Variants in MRLN observed in about 807,000 individuals in gnomAD.
MRLN encodes myoregulin, also known as Linc-RNA activator of myogenesis.
chr10:59,746,919 C>T (rs1171591), intron 1 of MRLN, among the ~76,000 whole-genome samples: 5,058 of 152,274 alleles, frequency 0.033, 120 homozygotes, highest in Non-Finnish European at 0.051. Context: ...CCTGCCTCAG[C>T]CTCCTGAGTA....
chr10:59,743,663 G>A (rs997388837), intron 1 of MRLN, among the ~76,000 whole-genome samples: 2 of 152,004 alleles, frequency 1.3e-5, no homozygotes, highest in Non-Finnish European at 2.9e-5. Flanking sequence ...ATCATGGGTC[G>A]TTCCCCCTCC....
At chr10:59,752,881 T>C (rs569337468) in intron 1 of MRLN, among the ~76,000 whole-genome samples, 14 of 152,216 alleles carry the variant, frequency 9.2e-5, no homozygotes, top group Non-Finnish European at 2.1e-4. Context: ...GATCCAAACC[T>C]ATAACAAGGG....
intron 1 of MRLN, chr10:59,744,087 C>G (rs10993983): frequency 0.039 from 6,618 of 170,970 alleles, 210 homozygotes; most frequent in East Asian, 0.12. Flanking sequence ...GCCGCCACCC[C>G]GTCTAGGAAG....
chr10:59,739,969 G>A (rs993180834), intron 1 of MRLN, among the ~76,000 whole-genome samples: 7 of 152,088 alleles, frequency 4.6e-5, no homozygotes, highest in Non-Finnish European at 7.4e-5. Flanking sequence ...GCAGGCGCCT[G>A]TAATCCCAGC....
rs960895782 is a variant in MRLN at position 59,753,357 on chromosome 10, C to G, written c.-128G>C. On this transcript the variant is annotated 5_prime_UTR_variant, in exon 1 of 3. Coordinates refer to ENST00000414264, the MANE Select transcript of MRLN (RefSeq NM_001304731.2). ...CAAACAAAAAAAAAACACTTACTGTCCAGGGGTTCAATAAGCGAAGTCCAA... is the reference window on the plus strand; with the variant it reads ...CAAACAAAAAAAAAACACTTACTGTGCAGGGGTTCAATAAGCGAAGTCCAA... 6.6e-6 allele frequency: 1 copy of G among 151,898 alleles called. No homozygotes were observed. Among genetic ancestry groups the G allele is most frequent in the East Asian group, 1.9e-4 (1 of 5,174 alleles). The allele number at this position is 151,898 out of a possible 1,614,324, so 9.4% of individuals were successfully genotyped here.
At position 59,745,133 on chromosome 10, in the gene MRLN, T is replaced by TA. The variant is rs572050278; in HGVS notation, c.-124-6572dup. On this transcript the variant is annotated intron_variant, in intron 1 of 2. Coordinates refer to ENST00000414264, the MANE Select transcript of MRLN (RefSeq NM_001304731.2). ...ATACTAAAAAAAAAATAAAATAAAA[T>TA]AAAAAAAAGAAAATGAATCATGGTA... Among the ~76,000 whole-genome samples, 644 of 151,482 alleles carry TA rather than the reference T, an allele frequency of 4.3e-3. 5 individuals are homozygous for TA. The highest frequency in any genetic ancestry group is 0.013 in the African/African-American group (549 of 41,124).
rs565067783 is a variant in MRLN at position 59,739,882 on chromosome 10, G to T, written c.-124-1320C>A. Among the ~76,000 whole-genome samples the T allele has an allele frequency of 2.6e-5, 4 of 151,978 alleles. No individual in the cohort carries two copies. The South Asian group carries it at 8.3e-4, about 32-fold the overall frequency. The stretch of plus-strand genomic sequence containing the variant: ...GCCAAGGCGGGTGGATCACAAGGTC[G>T]GGAGTTCAAGACCAGCCTGGCCAAG... On this transcript the variant is annotated intron_variant, in intron 1 of 2. Coordinates refer to ENST00000414264, the MANE Select transcript of MRLN (RefSeq NM_001304731.2).
intron 1 of MRLN, among the ~76,000 whole-genome samples, chr10:59,749,287 T>G (rs1841074964): frequency 6.6e-6 from 1 of 152,250 alleles, no homozygotes; most frequent in Non-Finnish European, 1.5e-5. Context: ...GAGGTTAAGA[T>G]AGCTGTCCAA....
At chr10:59,741,331 A>G (rs1052552097) in intron 1 of MRLN, among the ~76,000 whole-genome samples, 12 of 151,558 alleles carry the variant, frequency 7.9e-5, no homozygotes, top group Non-Finnish European at 1.8e-4. Flanking sequence ...TATCTTTTAT[A>G]CCACATTTTT....
At chr10:59,750,694 G>A (rs2132596381) in intron 1 of MRLN, among the ~76,000 whole-genome samples, 1 of 152,330 alleles carries the variant, frequency 6.6e-6, no homozygotes, top group East Asian at 1.9e-4. Flanking sequence ...AAGTCTTCCA[G>A]CCCTCTCCAT....
intron 1 of MRLN, among the ~76,000 whole-genome samples, chr10:59,746,076 G>T (rs1306288565): frequency 6.6e-6 from 1 of 152,114 alleles, no homozygotes; most frequent in Non-Finnish European, 1.5e-5. Flanking sequence ...ACTTTGCAAA[G>T]TCCCTTTTTC....
At chr10:59,743,680 C>G (rs1016784522) in intron 1 of MRLN, among the ~76,000 whole-genome samples, 1 of 152,076 alleles carries the variant, frequency 6.6e-6, no homozygotes, top group African/African-American at 2.4e-5. Context: ...CTCCGCCTCC[C>G]CCTCCCTCTT....
chr10:59,742,233 A>G (rs534235949), intron 1 of MRLN, among the ~76,000 whole-genome samples: 2 of 152,366 alleles, frequency 1.3e-5, no homozygotes, highest in Admixed American at 6.5e-5. Flanking sequence ...ATATTATATA[A>G]TAGTAAAAAT....
chr10:59,744,946 C>T, intron 1 of MRLN: 1 of 183,346 alleles, frequency 5.5e-6, no homozygotes, highest in Non-Finnish European at 1.1e-5. Flanking sequence ...TCCCTAATCT[C>T]AAATACCCAG....
intron 1 of MRLN, among the ~76,000 whole-genome samples, chr10:59,750,061 TC>T (rs1841084485): frequency 9.0e-6 from 1 of 111,038 alleles, no homozygotes; most frequent in Non-Finnish European, 1.8e-5. Context: ...TCTCTCTCTC[TC>T]TTTTTTTTTT....
At chr10:59,739,948 CG>C (rs1215161184) in intron 1 of MRLN, among the ~76,000 whole-genome samples, 2 of 151,964 alleles carry the variant, frequency 1.3e-5, no homozygotes, top group Admixed American at 6.5e-5. Context: ...AAAAATTAGC[CG>C]GGCATGGTGG....
intron 1 of MRLN, among the ~76,000 whole-genome samples, chr10:59,745,166 T>G (rs914426140): frequency 3.3e-5 from 5 of 152,136 alleles, no homozygotes; most frequent in South Asian, 2.1e-4. Context: ...GTAGTGTTTC[T>G]TCTTTAGGAT....
intron 1 of MRLN, among the ~76,000 whole-genome samples, chr10:59,745,463 C>T (rs2132592229): frequency 6.7e-6 from 1 of 149,302 alleles, no homozygotes; most frequent in African/African-American, 2.5e-5. Context: ...TATGTTGAAA[C>T]TTCAGATGAC....
chr10:59,740,497 C>T (rs566380076), intron 1 of MRLN, among the ~76,000 whole-genome samples: 282 of 152,148 alleles, frequency 1.9e-3, no homozygotes, highest in Non-Finnish European at 2.9e-3. Context: ...AAGATGCCGA[C>T]GTGGACGACA....
Sources: gnomAD v4.1 joint callset for allele counts (sites outside exome capture counted in the v4.1 genomes callset) on GRCh38, gnomAD v4.1.1 for gene constraint, MANE v1.5 for transcripts, NCBI Gene and HGNC (gene_info 2026-07-23, HGNC 2026-07-21) for gene names.